The following DCDC1 variants were observed in gnomAD, a reference collection of about 807,000 sequenced individuals.
DCDC1 encodes the protein doublecortin domain containing 1.
A neutral mutation model predicts 178.3 loss-of-function variants in DCDC1; 200 were observed. That is an observed-to-expected ratio of 1.12 (90% CI 1.00 to 1.26). The LOEUF (loss-of-function observed/expected upper bound fraction) is 1.26. DCDC1 is among the 50% of genes most tolerant of loss of function. The pLI is 0.00. For missense variants in DCDC1, 1,983 were observed against 1,749.2 expected (o/e 1.13, Z -2.38); for synonymous variants, 690 against 604.8 (o/e 1.14, Z -2.07).
At chr11:31,135,357 A>G (rs1278289428) in intron 10 of DCDC1, among the ~76,000 whole-genome samples, 1 of 152,228 alleles carries the variant, frequency 6.6e-6, no homozygotes, top group South Asian at 2.1e-4. Flanking sequence ...TTTCTAATCA[A>G]AAGTTTTTTA....
intron 9 of DCDC1, among the ~76,000 whole-genome samples, chr11:31,187,629 C>T (rs1049543936): frequency 4.6e-5 from 7 of 152,180 alleles, no homozygotes; most frequent in Non-Finnish European, 8.8e-5. Flanking sequence ...GATTCCTTGA[C>T]CATAGACTTC....
intron 7 of DCDC1, among the ~76,000 whole-genome samples, chr11:31,269,930 G>T (rs1394805640): frequency 6.6e-6 from 1 of 152,190 alleles, no homozygotes; most frequent in Non-Finnish European, 1.5e-5. Context: ...TCAGATGAGA[G>T]AGTATACTTA....
At chr11:31,120,880 C>T (rs1960694636) in intron 11 of DCDC1, among the ~76,000 whole-genome samples, 1 of 152,106 alleles carries the variant, frequency 6.6e-6, no homozygotes, top group Admixed American at 6.6e-5. Context: ...TTCCTGCCCT[C>T]CCAGGGAAAT....
At chr11:30,949,531 T>G (rs1471911699) in intron 21 of DCDC1, among the ~76,000 whole-genome samples, 1 of 152,122 alleles carries the variant, frequency 6.6e-6, no homozygotes, top group Non-Finnish European at 1.5e-5. Flanking sequence ...TTATAAATGA[T>G]TCTACTATAA....
At chr11:30,896,665 T>C (rs1337560255) in intron 34 of DCDC1, among the ~76,000 whole-genome samples, 1 of 152,218 alleles carries the variant, frequency 6.6e-6, no homozygotes, top group Non-Finnish European at 1.5e-5. Context: ...CTGCCATTCC[T>C]GCGTTTTACT....
At chr11:31,294,631 A>G (rs1384994897) in intron 6 of DCDC1, among the ~76,000 whole-genome samples, 2 of 992 alleles carry the variant, frequency 2.0e-3, no homozygotes, top group Non-Finnish European at 3.5e-3. Context: ...GAGGGGAGGG[A>G]GGGAAGGGGA....
intron 20 of DCDC1, among the ~76,000 whole-genome samples, chr11:30,995,986 C>T (rs983533074): frequency 6.6e-6 from 1 of 152,056 alleles, no homozygotes; most frequent in African/African-American, 2.4e-5. Context: ...AGAGAAGACA[C>T]AGACTAGGAA....
intron 17 of DCDC1, among the ~76,000 whole-genome samples, chr11:31,088,986 C>A (rs1957639129): frequency 1.3e-5 from 2 of 152,118 alleles, no homozygotes; most frequent in African/African-American, 4.8e-5. Context: ...GGGCATGAGC[C>A]ACCATGCCAG....
At chr11:31,365,156 A>G (rs1951896621) in intron 1 of DCDC1, among the ~76,000 whole-genome samples, 1 of 152,194 alleles carries the variant, frequency 6.6e-6, no homozygotes, top group African/African-American at 2.4e-5. Context: ...TGTCTCTTGT[A>G]ACTAACGGAG....
intron 8 of DCDC1, among the ~76,000 whole-genome samples, chr11:31,256,219 A>C (rs1944409374): frequency 6.6e-6 from 1 of 152,140 alleles, no homozygotes; most frequent in Non-Finnish European, 1.5e-5. Context: ...TCTTTGAATT[A>C]CTGTAGTTTT....
intron 20 of DCDC1, among the ~76,000 whole-genome samples, chr11:30,964,324 C>T (rs2134608776): frequency 6.6e-6 from 1 of 152,266 alleles, no homozygotes; most frequent in African/African-American, 2.4e-5. Flanking sequence ...GGAACCACCT[C>T]TTTGTGTTCT....
At chr11:30,964,539 CAA>C (rs1286434517) in intron 20 of DCDC1, among the ~76,000 whole-genome samples, 2 of 152,096 alleles carry the variant, frequency 1.3e-5, no homozygotes, top group Non-Finnish European at 2.9e-5. Context: ...TACCAGCTTA[CAA>C]AGACTCCCTC....
intron 9 of DCDC1, among the ~76,000 whole-genome samples, chr11:31,209,591 G>A (rs970415749): frequency 5.3e-5 from 8 of 152,204 alleles, no homozygotes; most frequent in African/African-American, 1.9e-4. Flanking sequence ...ACAATGCATG[G>A]TTGACATATC....
chr11:30,955,671 C>A (rs548768850), intron 20 of DCDC1, among the ~76,000 whole-genome samples: 1 of 152,216 alleles, frequency 6.6e-6, no homozygotes, highest in East Asian at 1.9e-4. Flanking sequence ...CTCAACTCTT[C>A]CAGATTATCC....
chr11:31,185,503 T>TA (rs1270024199), intron 9 of DCDC1, among the ~76,000 whole-genome samples: 1 of 151,888 alleles, frequency 6.6e-6, no homozygotes, highest in African/African-American at 2.4e-5. Flanking sequence ...AGTGGAGAAA[T>TA]ACTCCCATTT....
chr11:30,963,345 T>C (rs1949230544), intron 20 of DCDC1, among the ~76,000 whole-genome samples: 1 of 152,138 alleles, frequency 6.6e-6, no homozygotes, highest in Non-Finnish European at 1.5e-5. Context: ...TGTCAACTAA[T>C]TTTGCTTAAA....
chr11:31,189,438 T>C (rs1969887240), intron 9 of DCDC1, among the ~76,000 whole-genome samples: 1 of 152,196 alleles, frequency 6.6e-6, no homozygotes, highest in East Asian at 1.9e-4. Flanking sequence ...TACCTTCTTA[T>C]CTCAGGACTG....
chr11:31,248,474 G>A (rs1459864058), intron 8 of DCDC1, among the ~76,000 whole-genome samples: 2 of 151,884 alleles, frequency 1.3e-5, no homozygotes, highest in East Asian at 1.9e-4. Flanking sequence ...TAACCTTTTT[G>A]TTCTTTTATT....
chr11:31,036,810 T>C (rs1292979377), intron 20 of DCDC1, among the ~76,000 whole-genome samples: 2 of 152,144 alleles, frequency 1.3e-5, no homozygotes, highest in Non-Finnish European at 2.9e-5. Flanking sequence ...GTTACAGGGA[T>C]TTACTTTTTT....
Sources: allele counts gnomAD v4.1 joint callset (sites outside exome capture counted in the v4.1 genomes callset), GRCh38; gene constraint gnomAD v4.1.1; transcripts MANE v1.5; gene names NCBI Gene and HGNC (gene_info 2026-07-23, HGNC 2026-07-21).